GRXCR2: variants seen among roughly 807,000 people sequenced by gnomAD.
The protein encoded by GRXCR2 is glutaredoxin and cysteine rich domain containing 2, also known as glutaredoxin domain-containing cysteine-rich protein 2.
A neutral mutation model predicts 24.8 loss-of-function variants in GRXCR2; 23 were observed. The ratio of observed to expected loss-of-function variants is 0.93; its 90% CI spans 0.67 to 1.32. GRXCR2 has a LOEUF of 1.32. Ranked by LOEUF, GRXCR2 falls within the 40% of genes most tolerant of loss-of-function variation. The pLI is 0.00. For synonymous variants in GRXCR2, 130 were observed against 116.1 expected, an observed-to-expected ratio of 1.12 and a Z score of -0.77; for missense variants, 315 against 303.4, an observed-to-expected ratio of 1.04 and a Z score of -0.28.
intron 2 of GRXCR2, among the ~76,000 whole-genome samples, chr5:145,898,681 A>G (rs571550819): frequency 1.3e-5 from 2 of 152,028 alleles, no homozygotes; most frequent in African/African-American, 4.8e-5. Flanking sequence ...AACAAAAACC[A>G]TATTATCTCA....
At chr5:145,880,418 G>A (rs1017758666) in intron 2 of GRXCR2, among the ~76,000 whole-genome samples, 2 of 152,014 alleles carry the variant, frequency 1.3e-5, no homozygotes, top group East Asian at 1.9e-4. Flanking sequence ...CCATAAACAC[G>A]TCTATGCAAA....
At position 145,869,895 on chromosome 5, in the gene GRXCR2, A is replaced by G. The variant is rs186392329; in HGVS notation, c.336+2738T>C. On this transcript the variant is annotated intron_variant, in intron 1 of 2. Coordinates refer to ENST00000377976, the MANE Select transcript of GRXCR2 (RefSeq NM_001080516.2). ...TGTTATCTTTTAAAATCATCACAACAACTCTTAAGCAACTCCTTTGATTAC... is the reference window on the plus strand; with the variant it reads ...TGTTATCTTTTAAAATCATCACAACGACTCTTAAGCAACTCCTTTGATTAC... 2.0e-3 allele frequency among the ~76,000 whole-genome samples: 307 copies of G among 152,018 alleles called. 3 individuals are homozygous for G. The highest frequency in any genetic ancestry group is 2.9e-3 in the South Asian group (14 of 4,812).
At chr5:145,885,119 G>GTGTCTGTC (rs1233343895) in intron 2 of GRXCR2, among the ~76,000 whole-genome samples, 1 of 151,578 alleles carries the variant, frequency 6.6e-6, no homozygotes. Context: ...GTGTGTGTGT[G>GTGTCTGTC]TGTCTGTCTG....
At chr5:145,870,707 T>C (rs1756514943) in intron 1 of GRXCR2, among the ~76,000 whole-genome samples, 1 of 152,210 alleles carries the variant, frequency 6.6e-6, no homozygotes, top group Non-Finnish European at 1.5e-5. Flanking sequence ...TTTTCATAAA[T>C]ACCACATTGA....
intron 2 of GRXCR2, among the ~76,000 whole-genome samples, chr5:145,896,587 C>A (rs908276407): frequency 4.6e-5 from 7 of 152,134 alleles, no homozygotes; most frequent in African/African-American, 1.7e-4. Context: ...AATGAGATAC[C>A]ATCTCACACC....
intron 2 of GRXCR2, among the ~76,000 whole-genome samples, chr5:145,888,371 C>T (rs1347783718): frequency 2.6e-5 from 4 of 152,148 alleles, no homozygotes; most frequent in Non-Finnish European, 5.9e-5. Context: ...AAGGTGCTCA[C>T]GGTGGAGCGT....
At chr5:145,895,508 T>C (rs1756935455) in intron 2 of GRXCR2, among the ~76,000 whole-genome samples, 1 of 152,182 alleles carries the variant, frequency 6.6e-6, no homozygotes, top group African/African-American at 2.4e-5. Flanking sequence ...GAGAGCCAAA[T>C]CATGAGTGAA....
intron 2 of GRXCR2, among the ~76,000 whole-genome samples, chr5:145,890,536 A>G (rs1379403316): frequency 6.6e-6 from 1 of 152,202 alleles, no homozygotes; most frequent in East Asian, 1.9e-4. Context: ...AAGAGAACTG[A>G]AGGAGAAATA....
chr5:145,882,988 C>T (rs1379630264), intron 2 of GRXCR2, among the ~76,000 whole-genome samples: 1 of 127,326 alleles, frequency 7.9e-6, no homozygotes, highest in African/African-American at 3.1e-5. Context: ...CATTTGGACA[C>T]AGGGCGGGGA....
intron 2 of GRXCR2, among the ~76,000 whole-genome samples, chr5:145,896,427 A>C (rs554420702): frequency 8.5e-4 from 129 of 152,338 alleles, no homozygotes; most frequent in African/African-American, 3.0e-3. Context: ...AACTCAAAAA[A>C]ATGTACAAGA....
At chr5:145,927,404 T>C (rs1757413973) in intron 2 of GRXCR2, among the ~76,000 whole-genome samples, 1 of 152,216 alleles carries the variant, frequency 6.6e-6, no homozygotes, top group South Asian at 2.1e-4. Context: ...ATATGTCCCA[T>C]CAATAACTAA....
At chr5:145,861,901 T>C (rs1474993026) in intron 2 of GRXCR2, among the ~76,000 whole-genome samples, 1 of 152,204 alleles carries the variant, frequency 6.6e-6, no homozygotes, top group Non-Finnish European at 1.5e-5. Flanking sequence ...ATTTTATTTA[T>C]TCTAGATTTA....
rs546573754 is a variant in GRXCR2, at chr5:145,900,154, A to G, written c.-69-33426T>C. Among the ~76,000 whole-genome samples the G allele has an allele frequency of 2.1e-3, 312 of 152,042 alleles. 3 individuals are homozygous for G. The highest frequency in any genetic ancestry group is 3.5e-3 in the Non-Finnish European group (235 of 67,960). On this transcript the variant is annotated intron_variant, in intron 2 of 3. Coordinates refer to the GRXCR2 transcript ENST00000639411. ...ATCTCATGTTGAATTGTAATCCCCA[A>G]TGTTGGAGGAGGGGGTCTGGTGGGA...
chr5:145,894,623 A>C (rs1055759328), intron 2 of GRXCR2, among the ~76,000 whole-genome samples: 2 of 152,244 alleles, frequency 1.3e-5, no homozygotes, highest in East Asian at 3.8e-4. Context: ...ACAGGCTCTG[A>C]AATTGAGGCA....
chr5:145,877,564 A>G (rs995131875), upstream of GRXCR2, among the ~76,000 whole-genome samples: 2 of 152,272 alleles, frequency 1.3e-5, no homozygotes, highest in Non-Finnish European at 2.9e-5. Context: ...CATAGAATTT[A>G]TATTATAAAA....
At position 145,883,144 on chromosome 5, in the gene GRXCR2, A is replaced by T. The variant is rs188563111; in HGVS notation, c.-69-16416T>A. The stretch of plus-strand genomic sequence containing the variant: ...TATGTATCAAACCTGCATGTTGTGC[A>T]CTTGTCCCCTAGAACTTAAAGTATA... On this transcript the variant is annotated intron_variant, in intron 2 of 3. Transcript: ENST00000639411. Among the ~76,000 whole-genome samples, 106 of 152,176 alleles carry T rather than the reference A, an allele frequency of 7.0e-4. 1 individual carries two copies. In the East Asian group the frequency reaches 0.02, roughly 28 times the overall value.
At chr5:145,869,877 T>C (rs960740883) in intron 1 of GRXCR2, among the ~76,000 whole-genome samples, 3 of 152,090 alleles carry the variant, frequency 2.0e-5, no homozygotes, top group African/African-American at 7.2e-5. Flanking sequence ...ATGTGTTATC[T>C]TTTAAAATCA....
chr5:145,889,240 G>GAAAGAA, intron 2 of GRXCR2, among the ~76,000 whole-genome samples: 1 of 147,934 alleles, frequency 6.8e-6, no homozygotes, highest in South Asian at 2.2e-4. Flanking sequence ...AAGAAAGAAA[G>GAAAGAA]AAAGAATTAT....
intron 2 of GRXCR2, among the ~76,000 whole-genome samples, chr5:145,909,612 T>A (rs933727022): frequency 6.6e-6 from 1 of 152,192 alleles, no homozygotes; most frequent in African/African-American, 2.4e-5. Flanking sequence ...TTGGTTGTGG[T>A]CTGTCTCCTC....
Sources: gnomAD v4.1 joint callset for allele counts (sites outside exome capture counted in the v4.1 genomes callset) on GRCh38, gnomAD v4.1.1 for gene constraint, MANE v1.5 for transcripts, NCBI Gene and HGNC (gene_info 2026-07-23, HGNC 2026-07-21) for gene names.